TMEM117: variants seen among roughly 807,000 people sequenced by gnomAD.
TMEM117 encodes transmembrane protein 117.
Under a neutral mutation model 52.4 loss-of-function variants are expected in TMEM117, and 27 were observed. The observed-to-expected ratio is 0.51, with a 90% CI of 0.38 to 0.71. TMEM117 has a LOEUF of 0.71. Among genes scored for constraint, TMEM117 ranks in the 30% least tolerant of loss-of-function variants. The pLI is 0.00. For synonymous variants in TMEM117, 215 were observed against 206.3 expected (o/e 1.04, Z -0.36); for missense variants, 556 against 630.5 (o/e 0.88, Z 1.26).
intron 6 of TMEM117, among the ~76,000 whole-genome samples, chr12:44,320,825 G>T (rs1013877619): frequency 6.6e-6 from 1 of 152,132 alleles, no homozygotes; most frequent in Non-Finnish European, 1.5e-5. Flanking sequence ...AAATTTGTTT[G>T]GATGTATTTA....
At chr12:43,908,467 T>A (rs1944432613) in intron 2 of TMEM117, among the ~76,000 whole-genome samples, 1 of 142,020 alleles carries the variant, frequency 7.0e-6, no homozygotes, top group African/African-American at 2.5e-5. Context: ...GCTAACATCA[T>A]AATGACAGGA....
intron 3 of TMEM117, among the ~76,000 whole-genome samples, chr12:44,096,750 C>A (rs1947771179): frequency 6.6e-6 from 1 of 152,092 alleles, no homozygotes; most frequent in African/African-American, 2.4e-5. Context: ...AGACCTAAAA[C>A]CATAAAAACC....
At chr12:44,029,622 T>TCA (rs1317100232) in intron 3 of TMEM117, among the ~76,000 whole-genome samples, 2 of 152,240 alleles carry the variant, frequency 1.3e-5, no homozygotes, top group Non-Finnish European at 2.9e-5. Flanking sequence ...TCTCTCTCTC[T>TCA]TTCTGCAAAC....
intron 2 of TMEM117, among the ~76,000 whole-genome samples, chr12:43,872,104 GTTACTCAGGCCTGTCTTGAAT>G (rs1338478614): frequency 1.3e-5 from 2 of 152,156 alleles, no homozygotes; most frequent in African/African-American, 4.8e-5. Context: ...GTCTTGCCTT[GTTACTCAGGCCTGTCTTGAAT>G]TCCTGGCTTC....
At chr12:44,133,262 G>A (rs1020708485) in intron 3 of TMEM117, among the ~76,000 whole-genome samples, 24 of 152,162 alleles carry the variant, frequency 1.6e-4, no homozygotes, top group Non-Finnish European at 1.9e-4. Flanking sequence ...CAGGCTCTTT[G>A]GTGGGCATCA....
intron 6 of TMEM117, among the ~76,000 whole-genome samples, chr12:44,303,677 T>C (rs2138651849): frequency 6.6e-6 from 1 of 152,322 alleles, no homozygotes; most frequent in South Asian, 2.1e-4. Context: ...TCAGTTTCTG[T>C]TAAGTATTTG....
intron 2 of TMEM117, among the ~76,000 whole-genome samples, chr12:43,883,655 G>A (rs927845691): frequency 6.6e-6 from 1 of 151,858 alleles, no homozygotes; most frequent in Non-Finnish European, 1.5e-5. Context: ...TTCTAAAATT[G>A]TGCTTTAGTT....
At chr12:43,960,919 A>C (rs894532307) in intron 3 of TMEM117, among the ~76,000 whole-genome samples, 16 of 152,138 alleles carry the variant, frequency 1.1e-4, no homozygotes, top group Admixed American at 7.2e-4. Flanking sequence ...CAAGGTGAAG[A>C]GGCAAACTAA....
chr12:43,834,106 G>A (rs1228963550), upstream of TMEM117, among the ~76,000 whole-genome samples: 1 of 152,070 alleles, frequency 6.6e-6, no homozygotes, highest in South Asian at 2.1e-4. Context: ...GAAAATAGTA[G>A]TAATAAAAGA....
intron 2 of TMEM117, among the ~76,000 whole-genome samples, chr12:43,900,861 A>G (rs1944293038): frequency 6.6e-6 from 1 of 152,160 alleles, no homozygotes; most frequent in Non-Finnish European, 1.5e-5. Flanking sequence ...AGAAAAGAAG[A>G]GGAAGAACAA....
chr12:44,175,540 C>T (rs1012025766), intron 4 of TMEM117, among the ~76,000 whole-genome samples: 52 of 152,120 alleles, frequency 3.4e-4, no homozygotes, highest in African/African-American at 1.1e-3. Context: ...GGGGAGAATA[C>T]AGTTGGATAT....
intron 5 of TMEM117, chr12:44,244,452 T>C (rs962361471): frequency 4.6e-5 from 7 of 152,002 alleles, no homozygotes; most frequent in African/African-American, 1.7e-4. Context: ...ATTTTTATTC[T>C]AGCAACACAA....
At chr12:43,854,251 G>C (rs1943360774) in intron 2 of TMEM117, among the ~76,000 whole-genome samples, 1 of 152,056 alleles carries the variant, frequency 6.6e-6, no homozygotes, top group South Asian at 2.1e-4. Flanking sequence ...GTTATTTTGG[G>C]GGCTGCCTGC....
chr12:44,135,623 G>T (rs1948479082), intron 3 of TMEM117, among the ~76,000 whole-genome samples: 1 of 152,056 alleles, frequency 6.6e-6, no homozygotes, highest in Non-Finnish European at 1.5e-5. Flanking sequence ...TCCAGAGGAA[G>T]ATGGACGAAA....
rs1192537519 is a variant in TMEM117, at chr12:43,912,202, A to T, written c.278-32008A>T. Among the ~76,000 whole-genome samples the T allele has an allele frequency of 2.7e-5, 4 of 147,908 alleles. No homozygotes were observed. The East Asian group carries it at 7.9e-4, about 29-fold the overall frequency. On this transcript the variant is annotated intron_variant, in intron 2 of 7. Coordinates refer to ENST00000266534, the MANE Select transcript of TMEM117 (RefSeq NM_032256.3). Reference sequence around the variant, plus strand: ...ATGAGTTCATGTCCTTTGTAGGGACATGGATGAAATTGGAAATCATCAGTC... The same window carrying T: ...ATGAGTTCATGTCCTTTGTAGGGACTTGGATGAAATTGGAAATCATCAGTC...
At chr12:43,905,840 C>T (rs531292033) in intron 2 of TMEM117, among the ~76,000 whole-genome samples, 1 of 152,276 alleles carries the variant, frequency 6.6e-6, no homozygotes, top group South Asian at 2.1e-4. Context: ...GCTCCCAAAT[C>T]CCCCAAATCT....
chr12:44,364,262 C>T (rs112458630), intron 6 of TMEM117, among the ~76,000 whole-genome samples: 2 of 152,174 alleles, frequency 1.3e-5, no homozygotes, highest in African/African-American at 4.8e-5. Context: ...TTTTCAGAAC[C>T]ATGGGTTTAC....
intron 3 of TMEM117, among the ~76,000 whole-genome samples, chr12:44,079,541 C>G (rs1041682078): frequency 3.9e-5 from 6 of 151,994 alleles, no homozygotes; most frequent in Admixed American, 3.3e-4. Flanking sequence ...ATATCATTTG[C>G]CCACTTTTTG....
At chr12:43,818,711 G>A in the TMEM117 span, among the ~76,000 whole-genome samples, 6 of 152,056 alleles carry the variant, frequency 3.9e-5, no homozygotes, top group South Asian at 6.2e-4. Context: ...TCAAAGTGCT[G>A]GGATTACAGG....
Sources: gnomAD v4.1 joint callset for allele counts (sites outside exome capture counted in the v4.1 genomes callset) on GRCh38, gnomAD v4.1.1 for gene constraint, MANE v1.5 for transcripts, NCBI Gene and HGNC (gene_info 2026-07-23, HGNC 2026-07-21) for gene names.